Variants in PITPNC1 observed in about 807,000 individuals in gnomAD.
The protein encoded by PITPNC1 is phosphatidylinositol transfer protein cytoplasmic 1.
PITPNC1 carries 18 observed loss-of-function variants against 44.7 expected under a neutral mutation model. The ratio of observed to expected loss-of-function variants is 0.40; its 90% confidence interval spans 0.28 to 0.60. The LOEUF (loss-of-function observed/expected upper bound fraction) is 0.60. Ranked by LOEUF, PITPNC1 falls within the 20% of genes least tolerant of loss-of-function variation. The pLI is 0.39. For missense variants in PITPNC1, 290 were observed against 418.4 expected (o/e 0.69, Z 2.68); for synonymous variants, 141 against 149.6 (o/e 0.94, Z 0.42).
intron 1 of PITPNC1, among the ~76,000 whole-genome samples, chr17:67,503,228 T>C (rs947103762): frequency 6.6e-6 from 1 of 152,014 alleles, no homozygotes; most frequent in African/African-American, 2.4e-5. Flanking sequence ...CAGGTTGTAC[T>C]GGGGGTTGGG....
Position 67,603,230 on chromosome 17 carries a change from G to A in PITPNC1, c.366+24973G>A, listed in dbSNP as rs142770806. Among the ~76,000 whole-genome samples the A allele has an allele frequency of 3.9e-5, 6 of 152,256 alleles. No homozygotes were observed. In the South Asian group the frequency reaches 1.0e-3, roughly 26 times the overall value. ...AAGTACAGCTGGAGCAAGCAGGCTC[G>A]CCTGTGCCCCTTTTCTCATCAAAAG... On this transcript the variant is annotated intron_variant, in intron 5 of 8. Transcript: ENST00000581322.
chr17:67,441,277 G>GCC lies in PITPNC1; in HGVS notation c.48+63083_48+63084dup, dbSNP rs34717379. ...GGTCTCGCAGGCTTGTATTTATTAA[G>GCC]CCCCCCCCCGCCACCCATCAGTCCC... is the stretch of plus-strand genomic sequence containing the variant. On this transcript the variant is annotated intron_variant, in intron 1 of 8. Transcript: ENST00000581322. Among the ~76,000 whole-genome samples, 265 of 146,988 alleles carry GCC rather than the reference G, an allele frequency of 1.8e-3. 1 individual carries two copies. Among genetic ancestry groups the GCC allele is most frequent in the African/African-American group, 4.1e-3 (160 of 39,504 alleles).
chr17:67,479,821 G>A (rs532329343), intron 1 of PITPNC1, among the ~76,000 whole-genome samples: 1 of 152,178 alleles, frequency 6.6e-6, no homozygotes, highest in African/African-American at 2.4e-5. Flanking sequence ...TGTGCTCTGA[G>A]TAAAGGCATT....
intron 1 of PITPNC1, among the ~76,000 whole-genome samples, chr17:67,451,830 G>T (rs900336649): frequency 6.6e-6 from 1 of 151,936 alleles, no homozygotes; most frequent in Non-Finnish European, 1.5e-5. Flanking sequence ...TAGAGATGGA[G>T]TTTCACCATG....
At chr17:67,667,296 A>C (rs144884251) in intron 6 of PITPNC1, among the ~76,000 whole-genome samples, 2,789 of 152,094 alleles carry the variant, frequency 0.018, 86 homozygotes, top group African/African-American at 0.064. Flanking sequence ...TGGGAGGCCG[A>C]GGTGGGCAGA....
chr17:67,381,468 CT>C (rs1180701616), intron 1 of PITPNC1, among the ~76,000 whole-genome samples: 1,840 of 135,602 alleles, frequency 0.014, 24 homozygotes, highest in African/African-American at 0.03. Flanking sequence ...GTTTCTCTCT[CT>C]TTTTTTTTTT....
chr17:67,622,516 T>TC (rs2041847079), intron 5 of PITPNC1, among the ~76,000 whole-genome samples: 1 of 120,620 alleles, frequency 8.3e-6, no homozygotes, highest in Admixed American at 7.9e-5. Context: ...AGCCTGGACT[T>TC]TTTTTTTTTT....
intron 1 of PITPNC1, among the ~76,000 whole-genome samples, chr17:67,400,317 A>G (rs2038288096): frequency 6.6e-6 from 1 of 152,204 alleles, no homozygotes; most frequent in African/African-American, 2.4e-5. Flanking sequence ...ATTTCATTCC[A>G]GCACCCTGAT....
chr17:67,685,264 C>T (rs1265173377), intron 8 of PITPNC1, among the ~76,000 whole-genome samples: 1 of 152,222 alleles, frequency 6.6e-6, no homozygotes, highest in African/African-American at 2.4e-5. Context: ...CTTGCTTGGC[C>T]AAGCTGCTGC....
intron 4 of PITPNC1, among the ~76,000 whole-genome samples, chr17:67,571,432 AAG>A (rs2041056027): frequency 6.6e-6 from 1 of 152,202 alleles, no homozygotes; most frequent in East Asian, 1.9e-4. Context: ...TGTCTCAAAA[AAG>A]AAAAGAAAAG....
intron 5 of PITPNC1, among the ~76,000 whole-genome samples, chr17:67,580,483 G>A (rs1009272768): frequency 5.3e-5 from 8 of 151,918 alleles, no homozygotes; most frequent in Admixed American, 4.6e-4. Context: ...CTGGGACTAC[G>A]GCACACACAA....
intron 2 of PITPNC1, among the ~76,000 whole-genome samples, chr17:67,539,794 C>T (rs538371877): frequency 1.8e-4 from 28 of 152,180 alleles, no homozygotes; most frequent in African/African-American, 6.5e-4. Context: ...GCCGAGATCG[C>T]GCCACTGCAC....
At chr17:67,682,721 C>G (rs1368533965) in intron 8 of PITPNC1, among the ~76,000 whole-genome samples, 1 of 152,170 alleles carries the variant, frequency 6.6e-6, no homozygotes, top group African/African-American at 2.4e-5. Flanking sequence ...TTAAATTAGG[C>G]AATTATCCCC....
chr17:67,640,383 G>A (rs2042079564), intron 6 of PITPNC1, among the ~76,000 whole-genome samples: 1 of 152,144 alleles, frequency 6.6e-6, no homozygotes. Context: ...AGTGCTGTTA[G>A]AAATTGAGAG....
At chr17:67,567,211 C>T (rs1289342534) in intron 4 of PITPNC1, among the ~76,000 whole-genome samples, 2 of 152,120 alleles carry the variant, frequency 1.3e-5, no homozygotes, top group Non-Finnish European at 2.9e-5. Context: ...ACAGGCCAGG[C>T]GCGGTGGCTC....
chr17:67,557,061 A>C (rs1313190271), intron 4 of PITPNC1, among the ~76,000 whole-genome samples: 5 of 152,148 alleles, frequency 3.3e-5, no homozygotes, highest in Admixed American at 2.0e-4. Flanking sequence ...CTCTAATGAA[A>C]CACCACAGAC....
At chr17:67,640,318 A>T (rs2042078982) in intron 6 of PITPNC1, among the ~76,000 whole-genome samples, 1 of 152,210 alleles carries the variant, frequency 6.6e-6, no homozygotes, top group African/African-American at 2.4e-5. Context: ...GGTCCTCAGC[A>T]GCTGCCGCAT....
chr17:67,427,976 A>C (rs1487660502), intron 1 of PITPNC1, among the ~76,000 whole-genome samples: 2 of 151,962 alleles, frequency 1.3e-5, no homozygotes, highest in Admixed American at 6.6e-5. Context: ...TCAGTCTTCT[A>C]TTTATTTTAT....
chr17:67,451,877 C>T (rs762384113), intron 1 of PITPNC1, among the ~76,000 whole-genome samples: 3 of 152,026 alleles, frequency 2.0e-5, no homozygotes, highest in Non-Finnish European at 4.4e-5. Flanking sequence ...ACCTCGTGAT[C>T]CGCACACCTC....
Sources: allele counts gnomAD v4.1 joint callset (sites outside exome capture counted in the v4.1 genomes callset), GRCh38; gene constraint gnomAD v4.1.1; transcripts MANE v1.5; gene names NCBI Gene and HGNC (gene_info 2026-07-23, HGNC 2026-07-21).